The following ITIH6 variants were observed in gnomAD, a reference collection of about 807,000 sequenced individuals.
ITIH6 encodes the protein inter-alpha-trypsin inhibitor heavy chain family member 6.
Under a neutral mutation model 58.2 loss-of-function variants are expected in ITIH6, and 60 were observed. That is an observed-to-expected ratio of 1.03 (90% CI 0.84 to 1.28). The LOEUF (loss-of-function observed/expected upper bound fraction) is 1.28. Ranked by LOEUF, ITIH6 falls within the 50% of genes most tolerant of loss-of-function variation. The pLI is 0.00. For synonymous variants in ITIH6, 493 were observed against 417.4 expected (o/e 1.18, Z -2.21); for missense variants, 1,290 against 1,021.1 (o/e 1.26, Z -3.59).
At position 54,790,931 on chromosome X, in the gene ITIH6, C is replaced by G; in HGVS notation, c.522G>C (p.Leu174=). 2 of 1,212,277 alleles carry G rather than the reference C, an allele frequency of 1.6e-6. No homozygotes were observed. The highest frequency in any genetic ancestry group is 2.2e-6 in the Non-Finnish European group (2 of 895,583). Residue 174 remains leucine (L), a synonymous_variant, in exon 4 of 13, where the codon CTG becomes CTC. Coordinates refer to ENST00000218436, the MANE Select transcript of ITIH6 (RefSeq NM_198510.3). ...SLRPGQLVKR[L]SIEVTVSERT... Reference sequence around the variant, plus strand: ...TTTCTGACACTGTAACCTCTATGCTCAGCCTCTTCACCAATTGGCCAGGCC... The same window carrying G: ...TTTCTGACACTGTAACCTCTATGCTGAGCCTCTTCACCAATTGGCCAGGCC...
intron 5 of ITIH6, among the ~76,000 whole-genome samples, chrX:54,779,676 G>T (rs1270540525): frequency 9.0e-6 from 1 of 111,210 alleles, no homozygotes; most frequent in Non-Finnish European, 1.9e-5. Flanking sequence ...AATGGCAGGA[G>T]TAAGTCCTTA....
intron 6 of ITIH6, among the ~76,000 whole-genome samples, chrX:54,771,500 C>T (rs915374594): frequency 1.8e-5 from 2 of 111,952 alleles, no homozygotes; most frequent in Non-Finnish European, 3.8e-5. Context: ...TTCTTCATTC[C>T]TGTTGCAGTA....
chrX:54,752,685 C>T (rs1928390008), intron 11 of ITIH6, among the ~76,000 whole-genome samples: 1 of 112,124 alleles, frequency 8.9e-6, no homozygotes, highest in South Asian at 3.7e-4. Flanking sequence ...AACCATTGCA[C>T]CCAGATCACC....
intron 6 of ITIH6, among the ~76,000 whole-genome samples, chrX:54,769,927 G>C (rs1928907566): frequency 9.4e-6 from 1 of 106,857 alleles, no homozygotes; most frequent in South Asian, 4.4e-4. Flanking sequence ...CTTCCCGGCT[G>C]CTTTGTTTAC....
chrX:54,797,187 G>T (rs1341675136), intron 1 of ITIH6, 91 bp from the exon 2 acceptor site: 9 of 766,382 alleles, frequency 1.2e-5, no homozygotes, highest in East Asian at 3.3e-5. Flanking sequence ...TCCTACACAG[G>T]CCTCAAAGTA....
chrX:54,779,298 T>C (rs1415543697), intron 5 of ITIH6, among the ~76,000 whole-genome samples: 2 of 112,301 alleles, frequency 1.8e-5, no homozygotes, highest in Admixed American at 9.4e-5. Flanking sequence ...AAATACTGAA[T>C]GATGACCTAA....
intron 6 of ITIH6, among the ~76,000 whole-genome samples, chrX:54,762,027 G>A (rs1569543972): frequency 9.0e-6 from 1 of 111,642 alleles, no homozygotes; most frequent in Non-Finnish European, 1.9e-5. Context: ...ATTACCTTGG[G>A]CAGTATGGCC....
chrX:54,788,431 T>A (rs1248476435), intron 5 of ITIH6, 49 bp downstream of exon 5: 1 of 1,120,630 alleles, frequency 8.9e-7, no homozygotes, highest in Non-Finnish European at 1.2e-6. Flanking sequence ...TGCTCAGGCC[T>A]GTCTGACTCC....
At chrX:54,752,169 A>G (rs778736206) in intron 11 of ITIH6, among the ~76,000 whole-genome samples, 1 of 111,713 alleles carries the variant, frequency 9.0e-6, no homozygotes, top group South Asian at 3.8e-4. Flanking sequence ...AATGCATTTT[A>G]TGAAAAACTA....
At position 54,757,695 on chromosome X, in the gene ITIH6, T is replaced by C. The variant is rs770312909; in HGVS notation, c.2379A>G (p.Gln793=). 14 of 1,208,489 alleles carry C rather than the reference T, an allele frequency of 1.2e-5. No homozygotes were observed. The highest frequency in any genetic ancestry group is 6.6e-5 in the Admixed American group (3 of 45,615). ...HSKPGAPSHP[Q]LGALTSQAPK... is the part of the protein sequence containing the mutation. ...GTGCCTGTGATGTGAGTGCCCCAAG[T>C]TGGGGGTGCGATGGAGCACCAGGTT... Residue 793 remains glutamine, a synonymous_variant, in exon 8 of 13, where the codon CAA becomes CAG. Coordinates refer to ENST00000218436, the MANE Select transcript of ITIH6 (RefSeq NM_198510.3).
chrX:54,788,528 G>A lies in ITIH6; in HGVS notation c.738C>T (p.Phe246=), dbSNP rs773874853. ...CCATGACCACATCGTACTGAACCAG[G>A]AAGTCAGCCATGATGCCTGACCCAG... ...SISGSGIMAD[F]LVQYDVVMED... is the part of the protein sequence containing the mutation. Residue 246 remains phenylalanine (F), a synonymous_variant, in exon 5 of 13, where the codon TTC becomes TTT. Transcript: ENST00000218436. The A allele has an allele frequency of 1.7e-6, 2 of 1,210,803 alleles. No individual in the cohort carries two copies. The highest frequency in any genetic ancestry group is 2.2e-6 in the Non-Finnish European group (2 of 895,022).
chrX:54,778,355 C>T (rs781618595), intron 5 of ITIH6, among the ~76,000 whole-genome samples: 3 of 110,189 alleles, frequency 2.7e-5, no homozygotes, highest in South Asian at 3.9e-4. Context: ...CCACCATGCC[C>T]GGCTAATTTT....
chrX:54,785,701 AGTG>A (rs1929230663), intron 5 of ITIH6, among the ~76,000 whole-genome samples: 1 of 111,368 alleles, frequency 9.0e-6, no homozygotes, highest in Non-Finnish European at 1.9e-5. Context: ...CTCCCTTCGC[AGTG>A]CTTCCCATTA....
chrX:54,787,975 T>C (rs1338395541), intron 5 of ITIH6, among the ~76,000 whole-genome samples: 2 of 111,070 alleles, frequency 1.8e-5, no homozygotes, highest in East Asian at 5.7e-4. Context: ...TGCTCTGTGC[T>C]TTCCCATCTG....
chrX:54,791,119 G>A (rs777300956), intron 3 of ITIH6, 35 bp from the exon 4 acceptor site: 4 of 1,201,501 alleles, frequency 3.3e-6, no homozygotes, highest in Middle Eastern at 4.6e-4. Context: ...GGAAGAGAAA[G>A]GGACCTTCAG....
At position 54,757,069 on chromosome X, in the gene ITIH6, A is replaced by G. The variant is rs1427620880; in HGVS notation, c.3005T>C (p.Leu1002Pro). The G allele has an allele frequency of 8.3e-7, 1 of 1,209,917 alleles. No individual in the cohort carries two copies. The highest frequency in any genetic ancestry group is 1.1e-6 in the Non-Finnish European group (1 of 894,012). ...AGACAGCAGCTCTAGCTCCTCAGGG[A>G]GAAGGAGCAGACTGATGGCCTCAGG... ...ILPEAISLLL[L>P]PEELELLSES... Residue 1002 changes from leucine (L) to proline (P), a missense_variant, in exon 8 of 13, where the codon CTC becomes CCC. Coordinates refer to ENST00000218436, the MANE Select transcript of ITIH6 (RefSeq NM_198510.3).
chrX:54,779,049 C>T (rs1442080600), intron 5 of ITIH6, among the ~76,000 whole-genome samples: 2 of 111,869 alleles, frequency 1.8e-5, no homozygotes, highest in Non-Finnish European at 3.8e-5. Context: ...ATCCCTCAAA[C>T]GTGAAAGAGA....
rs1481094623 is a variant in ITIH6 at position 54,789,738 on chromosome X, G to T, written c.617-1089C>A. ...TAGGCAGTGCTTGTGGGAAATAAAT[G>T]AGGCCATTCATGTAAAGCGTTTGGA... On this transcript the variant is annotated intron_variant, in intron 4 of 12. Transcript: ENST00000218436. 2.7e-4 allele frequency among the ~76,000 whole-genome samples: 30 copies of T among 111,504 alleles called. No homozygotes were observed. The East Asian group carries it at 6.0e-3, about 22-fold the overall frequency.
intron 4 of ITIH6, among the ~76,000 whole-genome samples, chrX:54,789,891 T>C (rs1241060418): frequency 1.8e-5 from 2 of 110,996 alleles, no homozygotes; most frequent in African/African-American, 6.5e-5. Context: ...GAGCTGTAGA[T>C]GGCATCTCGT....
Sources: allele counts gnomAD v4.1 joint callset (sites outside exome capture counted in the v4.1 genomes callset), GRCh38; gene constraint gnomAD v4.1.1; transcripts MANE v1.5; gene names NCBI Gene and HGNC (gene_info 2026-07-23, HGNC 2026-07-21).